The following JRK variants were observed in gnomAD, a reference collection of about 807,000 sequenced individuals.
The protein encoded by JRK is Jrk helix-turn-helix protein, also known as jerky protein homolog.
For missense variants in JRK, 720 were observed against 509.2 expected (o/e 1.41, Z -3.98); for synonymous variants, 303 against 218.1 (o/e 1.39, Z -3.43).
rs2129684617 is a variant in JRK, at chr8:142,658,623, A to G, written c.*5729T>C. On this transcript the variant is annotated 3_prime_UTR_variant, in exon 2 of 2. Coordinates refer to ENST00000612905, the MANE Select transcript of JRK (RefSeq NM_003724.4). Reference sequence around the variant, plus strand: ...GATCTCATCGGCGAGCCCCACCCTCACGATCTCACCTAAGCCTAGTCACCT... The same window carrying G: ...GATCTCATCGGCGAGCCCCACCCTCGCGATCTCACCTAAGCCTAGTCACCT... 2.1e-6 allele frequency: 1 copy of G among 483,292 alleles called. No individual in the cohort carries two copies. The highest frequency in any genetic ancestry group is 2.0e-5 in the African/African-American group (1 of 50,770). 29.9% of individuals were successfully genotyped at this position (483,292 alleles called of 1,614,324 possible).
chr8:142,663,556 G>A lies in JRK; in HGVS notation c.*796C>T, dbSNP rs1846985690. ...GGCAACATGGTACATTGGACTCTGA[G>A]CCAAAATGCCAAAATACCACACAGG... On this transcript the variant is annotated 3_prime_UTR_variant, in exon 2 of 2. Coordinates refer to ENST00000612905, the MANE Select transcript of JRK (RefSeq NM_003724.4). The A allele has an allele frequency of 1.0e-6, 1 of 985,468 alleles. No homozygotes were observed. The highest frequency in any genetic ancestry group is 1.7e-5 in the African/African-American group (1 of 57,368). 61.0% of individuals were successfully genotyped at this position (985,468 alleles called of 1,614,324 possible). A position where few individuals can be genotyped will look rare whatever the true frequency, so the allele number is the denominator to read the frequency against.
Position 142,663,932 on chromosome 8 carries a change from G to A in JRK, c.*420C>T, listed in dbSNP as rs1846998422. 1 of 1,001,544 alleles carries A rather than the reference G, an allele frequency of 1.0e-6. No individual in the cohort carries two copies. Among genetic ancestry groups the A allele is most frequent in the South Asian group, 4.7e-5 (1 of 21,500 alleles). The allele number at this position is 1,001,544 out of a possible 1,614,324, so 62.0% of individuals were successfully genotyped here. On this transcript the variant is annotated 3_prime_UTR_variant, in exon 2 of 2. Transcript: ENST00000612905. ...CTGAGACGAAGCCTGTCCAGGGGCG[G>A]TGGGCATGGCCTCCTGTCGGCCTGG...
At chr8:142,646,850 G>C in the JRK span, among the ~76,000 whole-genome samples, 1 of 152,176 alleles carries the variant, frequency 6.6e-6, no homozygotes, top group Non-Finnish European at 1.5e-5. Context: ...CATACCAATA[G>C]AAGTACATCT....
In JRK at chr8:142,660,980, A is replaced by G; in HGVS notation, c.*3372T>C. The G allele has an allele frequency of 1.0e-6, 1 of 985,314 alleles. No homozygotes were observed. The highest frequency in any genetic ancestry group is 1.2e-6 in the Non-Finnish European group (1 of 829,918). The allele number at this position is 985,314 out of a possible 1,614,324, so 61.0% of individuals were successfully genotyped here. ...GGGGAAGCCGTGGGCAGGGGCTGCG[A>G]CTTCCTTTCTTCCAATCAACTCCAC... On this transcript the variant is annotated 3_prime_UTR_variant, in exon 2 of 2. Transcript: ENST00000612905.
chr8:142,665,796 T>G lies in JRK; in HGVS notation c.263A>C (p.His88Pro). 1 of 778,572 alleles carries G rather than the reference T, an allele frequency of 1.3e-6. No individual in the cohort carries two copies. The highest frequency in any genetic ancestry group is 2.4e-6 in the Non-Finnish European group (1 of 417,354). 48.2% of individuals were successfully genotyped at this position (778,572 alleles called of 1,614,324 possible). A position where few individuals can be genotyped will look rare whatever the true frequency, so the allele number is the denominator to read the frequency against. Reference protein sequence around the residue: ...RRTLHTPKLEHLDRVLYEWFL... With the variant: ...RRTLHTPKLEPLDRVLYEWFL... ...CCACTCGTACAGGACGCGGTCCAGGTGCTCCAGCTTGGGCGTGTGCAGCGT... is the reference window on the plus strand; with the variant it reads ...CCACTCGTACAGGACGCGGTCCAGGGGCTCCAGCTTGGGCGTGTGCAGCGT... The change falls in exon 2 of 2, where the codon CAC (histidine) becomes CCC (proline). Residue 88 changes from histidine to proline, a missense_variant. Transcript: ENST00000612905.
Position 142,669,943 on chromosome 8 carries a change from G to T in JRK, c.-474C>A, listed in dbSNP as rs1554637028. The T allele has an allele frequency of 6.5e-6, 1 of 153,492 alleles. No homozygotes were observed. The highest frequency in any genetic ancestry group is 1.5e-5 in the Non-Finnish European group (1 of 68,630). 9.5% of individuals were successfully genotyped at this position (153,492 alleles called of 1,614,324 possible). A position where few individuals can be genotyped will look rare whatever the true frequency, so the allele number is the denominator to read the frequency against. On this transcript the variant is annotated 5_prime_UTR_variant, in exon 1 of 2. Coordinates refer to ENST00000612905, the MANE Select transcript of JRK (RefSeq NM_003724.4). ...AGGACCCTACTCACCCTGCTCACCC[G>T]GAGCAGCCGCCGCCGGCCGGAAGTG...
chr8:142,663,480 G>C lies in JRK; in HGVS notation c.*872C>G. 1 of 985,424 alleles carries C rather than the reference G, an allele frequency of 1.0e-6. No homozygotes were observed. The highest frequency in any genetic ancestry group is 1.7e-5 in the African/African-American group (1 of 57,350). 61.0% of individuals were successfully genotyped at this position (985,424 alleles called of 1,614,324 possible). ...ACGTGCAAACCTAAGACTAATCTCT[G>C]AATGTCTGATCAAGACGTATTCATG... On this transcript the variant is annotated 3_prime_UTR_variant, in exon 2 of 2. Transcript: ENST00000612905.
intron 1 of JRK, among the ~76,000 whole-genome samples, chr8:142,668,837 T>G (rs1847216301): frequency 1.3e-5 from 2 of 151,482 alleles, no homozygotes; most frequent in Non-Finnish European, 1.5e-5. Context: ...TGGAGACGTG[T>G]CCACAAGGAG....
rs72690908 is a variant in JRK, at chr8:142,658,441, G to C, written c.*5911C>G. The C allele has an allele frequency of 6.6e-6, 1 of 151,964 alleles. No individual in the cohort carries two copies. The highest frequency in any genetic ancestry group is 1.9e-4 in the East Asian group (1 of 5,182). The allele number at this position is 151,964 out of a possible 1,614,324, so 9.4% of individuals were successfully genotyped here. The stretch of plus-strand genomic sequence containing the variant: ...GTCTTATCATGCCTAGGCTGGTCTC[G>C]AACTCCTGGACTCATGCAATCCTAA... On this transcript the variant is annotated 3_prime_UTR_variant, in exon 2 of 2. Transcript: ENST00000612905.
At position 142,665,974 on chromosome 8, in the gene JRK, A is replaced by G; in HGVS notation, c.85T>C (p.Cys29Arg). Residue 29 changes from cysteine to arginine, a missense_variant, in exon 2 of 2, where the codon TGC becomes CGC. Physicochemically the swap from Cys to Arg is radical, Grantham distance 180. Coordinates refer to ENST00000612905, the MANE Select transcript of JRK (RefSeq NM_003724.4). ...CTCTCGCCCTTCTCCAGGCGCGTGC[A>G]GATGTCAATCTTCTCCTTCAGTGTC... is the stretch of plus-strand genomic sequence containing the variant. ...VLTLKEKIDI[C>R]TRLEKGESRK... 1 of 1,115,242 alleles carries G rather than the reference A, an allele frequency of 9.0e-7. No individual in the cohort carries two copies. The highest frequency in any genetic ancestry group is 1.5e-5 in the African/African-American group (1 of 65,546). The allele number at this position is 1,115,242 out of a possible 1,614,324, so 69.1% of individuals were successfully genotyped here. A position where few individuals can be genotyped will look rare whatever the true frequency, so the allele number is the denominator to read the frequency against.
rs1326753562 is a variant in JRK at position 142,662,787 on chromosome 8, G to A, written c.*1565C>T. ...CAGCAGACGCTGGAATGCAAACTAC[G>A]TGCTGACTCGGCCAAATGATATGAA... On this transcript the variant is annotated 3_prime_UTR_variant, in exon 2 of 2. Transcript: ENST00000612905. 5 of 985,360 alleles carry A rather than the reference G, an allele frequency of 5.1e-6. No individual in the cohort carries two copies. Among genetic ancestry groups the A allele is most frequent in the Non-Finnish European group, 3.6e-6 (3 of 829,842 alleles). 61.0% of individuals were successfully genotyped at this position (985,360 alleles called of 1,614,324 possible).
In JRK at chr8:142,666,210, G is replaced by A. The variant is rs1480912742; in HGVS notation, c.-152C>T. 8 of 1,382,502 alleles carry A rather than the reference G, an allele frequency of 5.8e-6. No individual in the cohort carries two copies. The highest frequency in any genetic ancestry group is 7.9e-6 in the Non-Finnish European group (8 of 1,007,030). 85.6% of individuals were successfully genotyped at this position (1,382,502 alleles called of 1,614,324 possible). On this transcript the variant is annotated 5_prime_UTR_variant, in exon 2 of 2. Transcript: ENST00000612905. ...CTGCTGATCCTGAGCACAGGCCCCA[G>A]TCCCTCTCGGGTTTCTCACTCCACA... is the stretch of plus-strand genomic sequence containing the variant.
downstream of JRK, among the ~76,000 whole-genome samples, chr8:142,652,658 C>T (rs1554633286): frequency 6.6e-6 from 1 of 152,190 alleles, no homozygotes; most frequent in African/African-American, 2.4e-5. Context: ...TTAGGGGAGG[C>T]TGATTTAAGT....
Position 142,658,846 on chromosome 8 carries a change from T to C in JRK, c.*5506A>G. On this transcript the variant is annotated 3_prime_UTR_variant, in exon 2 of 2. Coordinates refer to ENST00000612905, the MANE Select transcript of JRK (RefSeq NM_003724.4). ...CCCAGCACTGCCATGTGGCAGAAGT[T>C]CTCCAACATTATGTCTCTGTAGAGG... is the stretch of plus-strand genomic sequence containing the variant. The C allele has an allele frequency of 1.2e-6, 2 of 1,611,814 alleles. No homozygotes were observed. The highest frequency in any genetic ancestry group is 1.7e-6 in the Non-Finnish European group (2 of 1,179,018).
At chr8:142,655,590 TA>T (rs1370148420), downstream of JRK, among the ~76,000 whole-genome samples, 3 of 127,768 alleles carry the variant, frequency 2.3e-5, no homozygotes, top group Non-Finnish European at 5.3e-5. Flanking sequence ...GGCTGTGGAG[TA>T]AAACGGCTCC....
rs1847131692 is a variant in JRK, at chr8:142,666,482, G to A, written c.-424C>T. 3.1e-6 allele frequency: 1 copy of A among 322,802 alleles called. No individual in the cohort carries two copies. Among genetic ancestry groups the A allele is most frequent in the Non-Finnish European group, 6.3e-6 (1 of 158,292 alleles). 20.0% of individuals were successfully genotyped at this position (322,802 alleles called of 1,614,324 possible). On this transcript the variant is annotated 5_prime_UTR_variant, in exon 2 of 2. Coordinates refer to ENST00000612905, the MANE Select transcript of JRK (RefSeq NM_003724.4). ...CGCATAAGCAGCAGGTGCCTCTCCA[G>A]GGTCCACAATGGTATCTCCAGGCAC...
chr8:142,653,294 C>T (rs1846697234), downstream of JRK, among the ~76,000 whole-genome samples: 1 of 152,238 alleles, frequency 6.6e-6, no homozygotes, highest in Non-Finnish European at 1.5e-5. Context: ...AACAATTACT[C>T]TTGTCCCAGA....
rs1475803973 is a variant in JRK at position 142,662,642 on chromosome 8, A to G, written c.*1710T>C. ...AGCAAGAAACACACACTTCCAGGAC[A>G]TAGATAGGGCTCTGTCAGCAATGAC... is the stretch of plus-strand genomic sequence containing the variant. On this transcript the variant is annotated 3_prime_UTR_variant, in exon 2 of 2. Transcript: ENST00000612905. 33 of 985,288 alleles carry G rather than the reference A, an allele frequency of 3.3e-5. No individual in the cohort carries two copies. The highest frequency in any genetic ancestry group is 3.7e-5 in the Non-Finnish European group (31 of 829,880). 61.0% of individuals were successfully genotyped at this position (985,288 alleles called of 1,614,324 possible). A position where few individuals can be genotyped will look rare whatever the true frequency, so the allele number is the denominator to read the frequency against.
chr8:142,662,501 A>G lies in JRK; in HGVS notation c.*1851T>C. 1 of 985,504 alleles carries G rather than the reference A, an allele frequency of 1.0e-6. No individual in the cohort carries two copies. Among genetic ancestry groups the G allele is most frequent in the East Asian group, 1.1e-4 (1 of 8,816 alleles). The allele number at this position is 985,504 out of a possible 1,614,324, so 61.0% of individuals were successfully genotyped here. A position where few individuals can be genotyped will look rare whatever the true frequency, so the allele number is the denominator to read the frequency against. On this transcript the variant is annotated 3_prime_UTR_variant, in exon 2 of 2. Coordinates refer to ENST00000612905, the MANE Select transcript of JRK (RefSeq NM_003724.4). ...CAGAAGTTCCCCAGACAATGAAGCA[A>G]ACAGTGCGGGTGACACCACAAAGAC...
Sources: allele counts gnomAD v4.1 joint callset (sites outside exome capture counted in the v4.1 genomes callset), GRCh38; gene constraint gnomAD v4.1.1; transcripts MANE v1.5; gene names NCBI Gene and HGNC (gene_info 2026-07-23, HGNC 2026-07-21).